MAMLD1: variants seen among roughly 807,000 people sequenced by gnomAD.
MAMLD1 encodes the protein mastermind like domain containing 1.
Under a neutral mutation model 45.0 loss-of-function variants are expected in MAMLD1, and 14 were observed. The observed-to-expected ratio is 0.31, with a 90% CI of 0.21 to 0.49. The LOEUF (loss-of-function observed/expected upper bound fraction) is 0.49. Ranked by LOEUF, MAMLD1 falls within the 20% of genes least tolerant of loss-of-function variation. The pLI is 0.99. For synonymous variants in MAMLD1, 254 were observed against 247.8 expected (o/e 1.02, Z -0.24); for missense variants, 543 against 603.6 (o/e 0.90, Z 1.05).
At chrX:150,377,034 A>G (rs1557401472) in intron 1 of MAMLD1, among the ~76,000 whole-genome samples, 2 of 112,872 alleles carry the variant, frequency 1.8e-5, no homozygotes. Context: ...TTGGCCACCT[A>G]TAGCTTATGG....
chrX:150,504,541 A>T, intron 6 of MAMLD1: 1 of 535,198 alleles, frequency 1.9e-6, no homozygotes, highest in Non-Finnish European at 2.3e-6. Context: ...TTCACTCTTC[A>T]GCTGAAACCA....
chrX:150,475,189 T>C (rs1486926470), intron 5 of MAMLD1, among the ~76,000 whole-genome samples: 1 of 110,522 alleles, frequency 9.0e-6, no homozygotes, highest in African/African-American at 3.3e-5. Flanking sequence ...CATTTGAATC[T>C]GGATCTTTGA....
chrX:150,374,751 C>T (rs1353027847), intron 1 of MAMLD1, among the ~76,000 whole-genome samples: 8 of 111,651 alleles, frequency 7.2e-5, no homozygotes, highest in African/African-American at 2.6e-4. Flanking sequence ...TGTAGCCAGT[C>T]CAGTGCCTTG....
intron 1 of MAMLD1, among the ~76,000 whole-genome samples, chrX:150,426,726 A>G (rs1165909263): frequency 2.7e-5 from 3 of 110,727 alleles, no homozygotes; most frequent in Admixed American, 9.6e-5. Context: ...GCTCTTATTC[A>G]TCATAATGAG....
At chrX:150,484,518 T>C (rs1244115949) in intron 5 of MAMLD1, among the ~76,000 whole-genome samples, 1 of 112,307 alleles carries the variant, frequency 8.9e-6, no homozygotes, top group East Asian at 2.8e-4. Flanking sequence ...GCCTTGACCA[T>C]GTCAATTCCC....
chrX:150,502,701 G>T (rs782391727), intron 5 of MAMLD1, among the ~76,000 whole-genome samples: 1 of 111,663 alleles, frequency 9.0e-6, no homozygotes, highest in Non-Finnish European at 1.9e-5. Flanking sequence ...CGTGGTTGTT[G>T]TGAGATTTAC....
intron 1 of MAMLD1, among the ~76,000 whole-genome samples, chrX:150,367,690 C>T (rs1403765848): frequency 1.8e-5 from 2 of 111,345 alleles, no homozygotes; most frequent in African/African-American, 6.6e-5. Flanking sequence ...GGTATATCTC[C>T]TAATGCTGTC....
chrX:150,476,127 C>T (rs931659053), intron 5 of MAMLD1, among the ~76,000 whole-genome samples: 3 of 111,183 alleles, frequency 2.7e-5, no homozygotes, highest in African/African-American at 9.8e-5. Flanking sequence ...GGGATGTGGA[C>T]CTGGAATTAT....
At chrX:150,430,019 C>CTT (rs1174092962) in intron 1 of MAMLD1, among the ~76,000 whole-genome samples, 15,680 of 48,640 alleles carry the variant, frequency 0.32, 3,465 homozygotes, top group Non-Finnish European at 0.38. Context: ...TCTTTCTTTT[C>CTT]TTTTTTTTTT....
intron 5 of MAMLD1, among the ~76,000 whole-genome samples, chrX:150,490,773 A>G (rs1363641230): frequency 8.9e-6 from 1 of 112,032 alleles, no homozygotes; most frequent in Non-Finnish European, 1.9e-5. Context: ...TCAAGACATA[A>G]AAATCTTCAA....
At chrX:150,410,354 G>T (rs1233848247) in intron 1 of MAMLD1, among the ~76,000 whole-genome samples, 4 of 112,493 alleles carry the variant, frequency 3.6e-5, no homozygotes, top group Non-Finnish European at 5.6e-5. Flanking sequence ...AGAGCCATTT[G>T]CCACAAGGGG....
At chrX:150,427,788 T>C (rs2034764660) in intron 1 of MAMLD1, among the ~76,000 whole-genome samples, 1 of 111,795 alleles carries the variant, frequency 8.9e-6, no homozygotes, top group African/African-American at 3.3e-5. Flanking sequence ...TTGGTGAGGG[T>C]TGTGGGACTC....
intron 5 of MAMLD1, among the ~76,000 whole-genome samples, chrX:150,491,258 CAAGTA>C (rs2037178962): frequency 8.9e-6 from 1 of 111,802 alleles, no homozygotes; most frequent in Non-Finnish European, 1.9e-5. Flanking sequence ...ATACAGCTGC[CAAGTA>C]TATGAGGAGC....
chrX:150,445,659 TC>T (rs1445186397), intron 2 of MAMLD1, 47 bp downstream of exon 2: 50 of 961,833 alleles, frequency 5.2e-5, no homozygotes, highest in Non-Finnish European at 7.4e-5. Flanking sequence ...ATGCTTCTAA[TC>T]TTAAACTTGA....
At chrX:150,502,772 C>T (rs1465812095) in intron 5 of MAMLD1, among the ~76,000 whole-genome samples, 1 of 99,037 alleles carries the variant, frequency 1.0e-5, no homozygotes, top group African/African-American at 3.7e-5. Context: ...CGTGTTCACA[C>T]ACACATACCT....
intron 1 of MAMLD1, among the ~76,000 whole-genome samples, chrX:150,382,496 T>A (rs1287702346): frequency 8.9e-6 from 1 of 111,768 alleles, no homozygotes; most frequent in Admixed American, 9.5e-5. Context: ...TAGAATAACC[T>A]TGTCTACGTC....
chrX:150,420,674 A>G (rs1017135420), intron 1 of MAMLD1, among the ~76,000 whole-genome samples: 25 of 111,949 alleles, frequency 2.2e-4, no homozygotes, highest in Admixed American at 8.5e-4. Flanking sequence ...ACCCTCAGCT[A>G]CAGGTCTGTT....
At chrX:150,411,375 C>G (rs1484797077) in intron 1 of MAMLD1, among the ~76,000 whole-genome samples, 1 of 112,185 alleles carries the variant, frequency 8.9e-6, no homozygotes, top group African/African-American at 3.2e-5. Flanking sequence ...GCCCCTGTCC[C>G]CCACAAGTTT....
At chrX:150,367,944 T>C in intron 1 of MAMLD1, among the ~76,000 whole-genome samples, 1 of 112,021 alleles carries the variant, frequency 8.9e-6, no homozygotes, top group Middle Eastern at 4.6e-3. Context: ...CACATTTTCT[T>C]AAGCCAGTCT....
Sources: gnomAD v4.1 joint callset for allele counts (sites outside exome capture counted in the v4.1 genomes callset) on GRCh38, gnomAD v4.1.1 for gene constraint, MANE v1.5 for transcripts, NCBI Gene and HGNC (gene_info 2026-07-23, HGNC 2026-07-21) for gene names.